R3HDM1: variants seen among roughly 807,000 people sequenced by gnomAD.
R3HDM1 encodes the protein R3H domain containing 1, also known as R3H domain-containing protein 1.
R3HDM1 carries 46 observed loss-of-function variants against 141.1 expected under a neutral mutation model. That is an observed-to-expected ratio of 0.33 (90% CI 0.26 to 0.42). R3HDM1 has a LOEUF of 0.42. R3HDM1 is among the 10% of genes least tolerant of loss of function. The pLI is 1.00. For synonymous variants in R3HDM1, 435 were observed against 472.9 expected (o/e 0.92, Z 1.04); for missense variants, 1,184 against 1,368.3 (o/e 0.87, Z 2.12).
At chr2:135,594,770 T>C (rs1045009207) in intron 1 of R3HDM1, among the ~76,000 whole-genome samples, 34 of 152,054 alleles carry the variant, frequency 2.2e-4, no homozygotes, top group African/African-American at 8.2e-4. Flanking sequence ...CAGATTTTCC[T>C]TCTTATTACC....
intron 1 of R3HDM1, chr2:135,559,031 G>A (rs1701277604): frequency 9.2e-6 from 9 of 979,454 alleles, no homozygotes; most frequent in Non-Finnish European, 1.1e-5. Context: ...CCTTATCAGT[G>A]GTATTTATGA....
In R3HDM1 at chr2:135,630,281, C is replaced by CAAAAAAAAAAAAAAAAA. The variant is rs911009655; in HGVS notation, c.498-1426_498-1410dup. Among the ~76,000 whole-genome samples the CAAAAAAAAAAAAAAAAA allele has an allele frequency of 8.4e-4, 33 of 39,320 alleles. 2 individuals carry two copies. Among genetic ancestry groups the CAAAAAAAAAAAAAAAAA allele is most frequent in the African/African-American group, 1.9e-3 (21 of 10,828 alleles). The allele number at this position is 39,320 out of a possible 152,430, so 25.8% of individuals were successfully genotyped here. A position where few individuals can be genotyped will look rare whatever the true frequency, so the allele number is the denominator to read the frequency against. On this transcript the variant is annotated intron_variant, in intron 7 of 26. Transcript: ENST00000683871. ...AACAAGAGCGAAACTCCTTCTCAAC[C>CAAAAAAAAAAAAAAAAA]AAAAAAAAAAAAAAAAAAAAAAAAA...
intron 1 of R3HDM1, among the ~76,000 whole-genome samples, chr2:135,553,034 G>T (rs541573034): frequency 8.6e-5 from 13 of 151,916 alleles, no homozygotes; most frequent in African/African-American, 3.1e-4. Flanking sequence ...ATGTGCCACC[G>T]CATCCAGTTA....
At chr2:135,636,788 G>GT (rs2063300414) in intron 11 of R3HDM1, among the ~76,000 whole-genome samples, 6 of 143,630 alleles carry the variant, frequency 4.2e-5, no homozygotes, top group East Asian at 4.1e-4. Context: ...TTTCCTCTGT[G>GT]TTAAAAAAAA....
chr2:135,633,652 T>G (rs1471939649), intron 9 of R3HDM1: 1 of 152,140 alleles, frequency 6.6e-6, no homozygotes, highest in Non-Finnish European at 1.5e-5. Context: ...ACCTTAGAGA[T>G]CTGCTCCATA....
intron 1 of R3HDM1, among the ~76,000 whole-genome samples, chr2:135,565,492 CA>C: frequency 6.6e-6 from 1 of 151,574 alleles, no homozygotes; most frequent in South Asian, 2.1e-4. Flanking sequence ...GCATCTAGTT[CA>C]AAAATGCTGT....
intron 21 of R3HDM1, among the ~76,000 whole-genome samples, chr2:135,693,005 G>A (rs189229557): frequency 2.6e-5 from 4 of 151,964 alleles, no homozygotes; most frequent in Non-Finnish European, 5.9e-5. Flanking sequence ...ATCTAAGGTC[G>A]GCAGACTTTT....
At chr2:135,605,259 C>A (rs1042151827) in intron 3 of R3HDM1, 1 of 251,500 alleles carries the variant, frequency 4.0e-6, no homozygotes, top group Non-Finnish European at 7.6e-6. Context: ...TTTCTACTTT[C>A]TCATTCCACC....
intron 18 of R3HDM1, among the ~76,000 whole-genome samples, chr2:135,659,039 C>A (rs2066288180): frequency 7.7e-6 from 1 of 129,904 alleles, no homozygotes; most frequent in Non-Finnish European, 1.6e-5. Context: ...CCTGAAAGAC[C>A]TACCTGAGTC....
chr2:135,588,725 A>G (rs2105054494), intron 1 of R3HDM1, among the ~76,000 whole-genome samples: 1 of 152,232 alleles, frequency 6.6e-6, no homozygotes, highest in East Asian at 1.9e-4. Context: ...GGATTTTTCC[A>G]TTAATTTTTA....
chr2:135,699,520 G>A (rs2073934693), intron 21 of R3HDM1, among the ~76,000 whole-genome samples: 1 of 149,982 alleles, frequency 6.7e-6, no homozygotes. Context: ...GAGAGTATAA[G>A]GATACAGATA....
intron 19 of R3HDM1, among the ~76,000 whole-genome samples, chr2:135,668,798 T>C (rs1412427436): frequency 6.6e-6 from 1 of 152,206 alleles, no homozygotes; most frequent in African/African-American, 2.4e-5. Context: ...CCTGACTTTG[T>C]GGAGAAGACA....
chr2:135,616,012 C>T (rs1272255882), intron 3 of R3HDM1, 140 bp from the exon 4 acceptor site: 3 of 692,568 alleles, frequency 4.3e-6, no homozygotes, highest in Non-Finnish European at 7.0e-6. Context: ...ATCAGTACTC[C>T]TTTACTGAAA....
At chr2:135,608,066 AG>A in intron 3 of R3HDM1, 1 of 845,396 alleles carries the variant, frequency 1.2e-6, no homozygotes, top group Non-Finnish European at 1.4e-6. Context: ...CTGTAATCCC[AG>A]CACTTTGGGA....
At chr2:135,604,487 G>A (rs2059881893) in intron 2 of R3HDM1, among the ~76,000 whole-genome samples, 1 of 152,058 alleles carries the variant, frequency 6.6e-6, no homozygotes, top group Non-Finnish European at 1.5e-5. Context: ...GTTAGCAATA[G>A]GGTCTTGCTA....
chr2:135,622,836 T>C (rs2061636372), intron 7 of R3HDM1, 104 bp downstream of exon 7: 1 of 1,358,084 alleles, frequency 7.4e-7, no homozygotes, highest in Non-Finnish European at 9.5e-7. Flanking sequence ...ATTGCAGATA[T>C]TTGAAGTACA....
intron 18 of R3HDM1, among the ~76,000 whole-genome samples, chr2:135,653,749 G>A (rs2065424082): frequency 6.6e-6 from 1 of 152,062 alleles, no homozygotes; most frequent in Non-Finnish European, 1.5e-5. Flanking sequence ...CCCAAATGGT[G>A]AAACCCCATC....
chr2:135,632,117 T>C, intron 9 of R3HDM1, 116 bp downstream of exon 9: 2 of 921,124 alleles, frequency 2.2e-6, no homozygotes, highest in South Asian at 6.1e-5. Context: ...TTAAGTTTTA[T>C]GATAACCTTA....
chr2:135,689,272 T>C (rs947937443), intron 21 of R3HDM1, among the ~76,000 whole-genome samples: 9 of 152,228 alleles, frequency 5.9e-5, no homozygotes, highest in African/African-American at 2.2e-4. Context: ...GAAGTCATGA[T>C]GTCTATCACT....
Sources: allele counts gnomAD v4.1 joint callset (sites outside exome capture counted in the v4.1 genomes callset), GRCh38; gene constraint gnomAD v4.1.1; transcripts MANE v1.5; gene names NCBI Gene and HGNC (gene_info 2026-07-23, HGNC 2026-07-21).